ANGPT2: variants seen among roughly 807,000 people sequenced by gnomAD.
ANGPT2 encodes angiopoietin-2.
A neutral mutation model predicts 62.9 loss-of-function variants in ANGPT2; 28 were observed. The ratio of observed to expected loss-of-function variants is 0.44; its 90% CI spans 0.33 to 0.61. The LOEUF (loss-of-function observed/expected upper bound fraction) is 0.61, where lower values mean the gene tolerates loss of function less well. Ranked by LOEUF, ANGPT2 falls within the 20% of genes least tolerant of loss-of-function variation. The probability of loss-of-function intolerance (pLI) is 0.03; values close to 1 mark genes in which losing one functional copy is unlikely to be tolerated. For missense variants in ANGPT2, 727 were observed against 594.9 expected, an observed-to-expected ratio of 1.22 and a Z score of -2.31; for synonymous variants, 284 against 207.8, an observed-to-expected ratio of 1.37 and a Z score of -3.15.
intron 8 of ANGPT2, among the ~76,000 whole-genome samples, chr8:6,503,692 T>C (rs1439681759): frequency 1.3e-5 from 2 of 152,188 alleles, no homozygotes. Context: ...AAATGATTTT[T>C]TCGGTTGAAG....
chr8:6,541,512 G>C (rs1821572016), intron 1 of ANGPT2, among the ~76,000 whole-genome samples: 1 of 152,206 alleles, frequency 6.6e-6, no homozygotes, highest in African/African-American at 2.4e-5. Context: ...TGTCATGCAG[G>C]AGTGAGATGA....
At chr8:6,555,905 T>A (rs1441879678) in intron 1 of ANGPT2, among the ~76,000 whole-genome samples, 2 of 152,180 alleles carry the variant, frequency 1.3e-5, no homozygotes, top group African/African-American at 4.8e-5. Context: ...CTTGTTTTCC[T>A]AGCAGCTTCA....
intron 1 of ANGPT2, among the ~76,000 whole-genome samples, chr8:6,545,742 G>C (rs1364810669): frequency 6.6e-6 from 1 of 152,190 alleles, no homozygotes; most frequent in East Asian, 1.9e-4. Flanking sequence ...GATTTTGTTG[G>C]ATTTCAGTGG....
At chr8:6,553,964 T>C (rs994100536) in intron 1 of ANGPT2, among the ~76,000 whole-genome samples, 1 of 152,074 alleles carries the variant, frequency 6.6e-6, no homozygotes, top group Non-Finnish European at 1.5e-5. Flanking sequence ...GTGTGTAGCA[T>C]GTCCAGTTGG....
chr8:6,519,518 C>T (rs1201505533), intron 5 of ANGPT2, among the ~76,000 whole-genome samples: 1 of 152,204 alleles, frequency 6.6e-6, no homozygotes, highest in Non-Finnish European at 1.5e-5. Flanking sequence ...GTTCAACCTT[C>T]AGTTTTTGGA....
chr8:6,516,275 C>T (rs919353683), intron 5 of ANGPT2, among the ~76,000 whole-genome samples: 2 of 152,188 alleles, frequency 1.3e-5, no homozygotes, highest in Non-Finnish European at 2.9e-5. Context: ...AAGTACTCTG[C>T]CAGATACTTT....
In ANGPT2 at chr8:6,502,432, C is replaced by T. The variant is rs932046798; in HGVS notation, c.*669G>A. On this transcript the variant is annotated 3_prime_UTR_variant, in exon 9 of 9. Transcript: ENST00000629816. ...TTTCAGAGATTCTGGAAGTTTCTAC[C>T]ATATAAATTTGAAATACGTATTTGA... 2 of 152,092 alleles carry T rather than the reference C, an allele frequency of 1.3e-5. No individual in the cohort carries two copies. The highest frequency in any genetic ancestry group is 2.4e-5 in the African/African-American group (1 of 41,398). The allele number at this position is 152,092 out of a possible 1,614,324, so 9.4% of individuals were successfully genotyped here. A position where few individuals can be genotyped will look rare whatever the true frequency, so the allele number is the denominator to read the frequency against.
chr8:6,543,228 T>C (rs1020386718), intron 1 of ANGPT2, among the ~76,000 whole-genome samples: 1 of 152,158 alleles, frequency 6.6e-6, no homozygotes, highest in Non-Finnish European at 1.5e-5. Flanking sequence ...ATACACAGGA[T>C]TAATTTACAC....
chr8:6,555,754 C>A (rs142074887), intron 1 of ANGPT2, among the ~76,000 whole-genome samples: 1 of 152,224 alleles, frequency 6.6e-6, no homozygotes, highest in South Asian at 2.1e-4. Context: ...TGAGCCACTG[C>A]ACCCAGCCAC....
chr8:6,532,300 G>C, intron 2 of ANGPT2, 32 bp downstream of exon 2: 1 of 1,613,442 alleles, frequency 6.2e-7, no homozygotes, highest in Non-Finnish European at 8.5e-7. Context: ...CTAGCTGCAG[G>C]GACACCGTGT....
intron 2 of ANGPT2, among the ~76,000 whole-genome samples, chr8:6,531,293 CTTT>C (rs112161330): frequency 2.1e-5 from 3 of 142,374 alleles, no homozygotes; most frequent in Non-Finnish European, 4.6e-5. Context: ...TTCTTTCTTT[CTTT>C]TTTTTTTTTT....
At chr8:6,524,694 A>T (rs964922419) in intron 3 of ANGPT2, among the ~76,000 whole-genome samples, 1 of 152,240 alleles carries the variant, frequency 6.6e-6, no homozygotes, top group African/African-American at 2.4e-5. Context: ...AGATGTTTTG[A>T]TGGTCTTCAC....
chr8:6,531,793 C>T (rs1325657444), intron 2 of ANGPT2, among the ~76,000 whole-genome samples: 1 of 80,284 alleles, frequency 1.2e-5, no homozygotes, highest in African/African-American at 4.2e-5. Context: ...AGGGCTCTTG[C>T]TCGGGCGTAG....
chr8:6,522,919 TTC>T (rs1236278629), intron 3 of ANGPT2, among the ~76,000 whole-genome samples: 3 of 152,216 alleles, frequency 2.0e-5, no homozygotes, highest in Admixed American at 6.5e-5. Context: ...GCCCCATTCC[TTC>T]TCTAAAAAAT....
At chr8:6,509,657 C>T (rs1563315896) in intron 7 of ANGPT2, among the ~76,000 whole-genome samples, 1 of 152,186 alleles carries the variant, frequency 6.6e-6, no homozygotes, top group Non-Finnish European at 1.5e-5. Flanking sequence ...ACACTATTTA[C>T]AATACAGACG....
At chr8:6,531,289 C>G (rs755529958) in intron 2 of ANGPT2, among the ~76,000 whole-genome samples, 1 of 147,770 alleles carries the variant, frequency 6.8e-6, no homozygotes, top group South Asian at 2.2e-4. Context: ...TTCTTTCTTT[C>G]TTTCTTTTTT....
chr8:6,549,435 C>T (rs901342311), intron 1 of ANGPT2, among the ~76,000 whole-genome samples: 2 of 152,158 alleles, frequency 1.3e-5, no homozygotes, highest in African/African-American at 2.4e-5. Flanking sequence ...TCAGGATTGG[C>T]GTTGAGAAGA....
chr8:6,561,170 A>C (rs927039353), intron 1 of ANGPT2, among the ~76,000 whole-genome samples: 2 of 152,250 alleles, frequency 1.3e-5, no homozygotes, highest in Non-Finnish European at 2.9e-5. Flanking sequence ...ACAGCTATGA[A>C]TTTTAGAAGA....
chr8:6,512,130 T>A (rs1161607683), intron 7 of ANGPT2, among the ~76,000 whole-genome samples: 15 of 152,188 alleles, frequency 9.9e-5, no homozygotes, highest in Admixed American at 9.8e-4. Context: ...ATGAGAATAG[T>A]GAATATGCTT....
Sources: allele counts gnomAD v4.1 joint callset (sites outside exome capture counted in the v4.1 genomes callset), GRCh38; gene constraint gnomAD v4.1.1; transcripts MANE v1.5; gene names NCBI Gene and HGNC (gene_info 2026-07-23, HGNC 2026-07-21).